The following TAS2R1 variants were observed in gnomAD, a reference collection of about 807,000 sequenced individuals.
TAS2R1 encodes taste receptor type 2 member 1.
For missense variants in TAS2R1, 370 were observed against 353.4 expected (o/e 1.05, Z -0.38); for synonymous variants, 141 against 134.2 (o/e 1.05, Z -0.35).
intron 1 of TAS2R1, among the ~76,000 whole-genome samples, chr5:9,683,214 C>T (rs1441282977): frequency 6.6e-6 from 1 of 151,744 alleles, no homozygotes; most frequent in Non-Finnish European, 1.5e-5. Flanking sequence ...ATTATAATTG[C>T]TTAATAATCT....
chr5:9,818,406 C>T, the TAS2R1 span, among the ~76,000 whole-genome samples: 38 of 152,146 alleles, frequency 2.5e-4, no homozygotes, highest in South Asian at 1.0e-3. Flanking sequence ...ATGTTGATAC[C>T]TCTGTCAGTT....
the TAS2R1 span, among the ~76,000 whole-genome samples, chr5:9,795,068 G>A: frequency 6.6e-6 from 1 of 152,044 alleles, no homozygotes; most frequent in Non-Finnish European, 1.5e-5. Flanking sequence ...TCTTTTTGTG[G>A]GGGGACAGAT....
At position 9,685,739 on chromosome 5, in the gene TAS2R1, C is replaced by T. The variant is rs80297668; in HGVS notation, c.-241-26158G>A. On this transcript the variant is annotated intron_variant, in intron 1 of 2. Coordinates refer to the TAS2R1 transcript ENST00000506620. ...CACACTATATAGTGTCCAGGGAAGACTGCAAAGTATTTCTATACCTATTTT... is the reference window on the plus strand; with the variant it reads ...CACACTATATAGTGTCCAGGGAAGATTGCAAAGTATTTCTATACCTATTTT... Among the ~76,000 whole-genome samples the T allele has an allele frequency of 9.1e-4, 139 of 152,328 alleles. 1 individual carries two copies. The highest frequency in any genetic ancestry group is 3.2e-3 in the African/African-American group (134 of 41,566).
chr5:9,683,138 C>T (rs183131329), intron 1 of TAS2R1, among the ~76,000 whole-genome samples: 1 of 151,966 alleles, frequency 6.6e-6, no homozygotes, highest in Non-Finnish European at 1.5e-5. Flanking sequence ...TTTTTTCCTG[C>T]AAACCTTTGG....
the TAS2R1 span, among the ~76,000 whole-genome samples, chr5:9,818,861 C>T: frequency 6.6e-6 from 1 of 152,216 alleles, no homozygotes; most frequent in Admixed American, 6.5e-5. Flanking sequence ...TACCGCCACA[C>T]AGCCCCAACA....
chr5:9,744,693 C>T, the TAS2R1 span, among the ~76,000 whole-genome samples: 2 of 152,178 alleles, frequency 1.3e-5, no homozygotes. Context: ...AAGACATCCA[C>T]ATCCTAATCC....
At chr5:9,803,488 G>A in the TAS2R1 span, among the ~76,000 whole-genome samples, 1 of 152,162 alleles carries the variant, frequency 6.6e-6, no homozygotes, top group Non-Finnish European at 1.5e-5. Flanking sequence ...AGAGCTGTGA[G>A]GCAAAAGCAT....
At chr5:9,731,149 C>T in the TAS2R1 span, among the ~76,000 whole-genome samples, 8 of 152,170 alleles carry the variant, frequency 5.3e-5, no homozygotes, top group East Asian at 7.7e-4. Flanking sequence ...CTGACCTGCT[C>T]GCAGCCAGCC....
chr5:9,883,099 A>G, the TAS2R1 span, among the ~76,000 whole-genome samples: 1 of 152,224 alleles, frequency 6.6e-6, no homozygotes, highest in African/African-American at 2.4e-5. Flanking sequence ...GCTGGAAGCC[A>G]TTATCCTCAG....
At chr5:9,808,320 A>C in the TAS2R1 span, among the ~76,000 whole-genome samples, 3 of 152,186 alleles carry the variant, frequency 2.0e-5, no homozygotes, top group African/African-American at 7.2e-5. Context: ...AACTTGACTA[A>C]CGTGTTCATA....
At chr5:9,840,857 ATTTTTTTTTTTTTTTT>A in the TAS2R1 span, among the ~76,000 whole-genome samples, 135 of 132,090 alleles carry the variant, frequency 1.0e-3, no homozygotes, top group African/African-American at 1.5e-3. Flanking sequence ...TTATTTATTT[ATTTTTTTTTTTTTTTT>A]TTTTTTTTTT....
upstream of TAS2R1, among the ~76,000 whole-genome samples, chr5:9,633,294 T>TTATATATATATATATATATATATA (rs200096603): frequency 7.8e-3 from 523 of 67,388 alleles, 13 homozygotes; most frequent in Non-Finnish European, 0.01. Context: ...TGTGTGTATA[T>TTATATATATATATATATATATATA]TATATATATA....
intron 2 of TAS2R1, among the ~76,000 whole-genome samples, chr5:9,648,318 ATAACT>A (rs1370505236): frequency 1.3e-5 from 2 of 152,184 alleles, no homozygotes; most frequent in Admixed American, 6.6e-5. Flanking sequence ...TTTTAAATAA[ATAACT>A]TAAAACTAAG....
chr5:9,757,125 C>A, the TAS2R1 span, among the ~76,000 whole-genome samples: 1 of 152,146 alleles, frequency 6.6e-6, no homozygotes, highest in African/African-American at 2.4e-5. Flanking sequence ...ATAAACCCAT[C>A]AAAAATGAAC....
chr5:9,702,029 G>T (rs563604290), intron 1 of TAS2R1, among the ~76,000 whole-genome samples: 2 of 152,140 alleles, frequency 1.3e-5, no homozygotes, highest in African/African-American at 4.8e-5. Context: ...CATTTAGGAC[G>T]ATGTTGAGCA....
upstream of TAS2R1, among the ~76,000 whole-genome samples, chr5:9,635,308 G>A (rs1739942816): frequency 6.6e-6 from 1 of 152,054 alleles, no homozygotes; most frequent in Admixed American, 6.5e-5. Context: ...ACTTGATCAT[G>A]GTGGATTATG....
chr5:9,652,262 C>T (rs531185759), intron 2 of TAS2R1, among the ~76,000 whole-genome samples: 11 of 152,322 alleles, frequency 7.2e-5, no homozygotes, highest in Middle Eastern at 3.4e-3. Flanking sequence ...AACTACACAT[C>T]GTCTGTGGCA....
chr5:9,890,092 T>C, the TAS2R1 span, among the ~76,000 whole-genome samples: 5 of 151,752 alleles, frequency 3.3e-5, no homozygotes, highest in African/African-American at 4.8e-5. Flanking sequence ...AAGGATAAAA[T>C]ATAGGGTAAA....
chr5:9,749,513 G>C, the TAS2R1 span, among the ~76,000 whole-genome samples: 27 of 152,170 alleles, frequency 1.8e-4, no homozygotes. Flanking sequence ...GAATGAACAG[G>C]AATGTTAACC....
Sources: gnomAD v4.1 joint callset for allele counts (sites outside exome capture counted in the v4.1 genomes callset) on GRCh38, gnomAD v4.1.1 for gene constraint, MANE v1.5 for transcripts, NCBI Gene and HGNC (gene_info 2026-07-23, HGNC 2026-07-21) for gene names.